The following SPNS3 variants were observed in gnomAD, a reference collection of about 807,000 sequenced individuals.
The protein encoded by SPNS3 is protein spinster homolog 3.
SPNS3 carries 51 observed loss-of-function variants against 54.4 expected under a neutral mutation model. That is an observed-to-expected ratio of 0.94 (90% confidence interval 0.75 to 1.18). The LOEUF is 1.18. Ranked by LOEUF, SPNS3 falls within the 50% of genes most tolerant of loss-of-function variation. The pLI, the probability that SPNS3 is intolerant of heterozygous loss-of-function variation, is 0.00. For missense variants in SPNS3, 669 were observed against 677.4 expected, an observed-to-expected ratio of 0.99 and a Z score of 0.14; for synonymous variants, 309 against 294.7, an observed-to-expected ratio of 1.05 and a Z score of -0.50.
At chr17:4,451,406 C>G (rs1246634583) in intron 7 of SPNS3, among the ~76,000 whole-genome samples, 1 of 152,032 alleles carries the variant, frequency 6.6e-6, no homozygotes, top group African/African-American at 2.4e-5. Context: ...CGCACACCAC[C>G]ACGCCCAGCT....
intron 1 of SPNS3, among the ~76,000 whole-genome samples, chr17:4,434,539 C>T (rs1970664929): frequency 6.6e-6 from 1 of 152,090 alleles, no homozygotes; most frequent in Non-Finnish European, 1.5e-5. Context: ...CTCTGTCGCC[C>T]AGGCTGGAGT....
intron 8 of SPNS3, among the ~76,000 whole-genome samples, chr17:4,459,689 G>T (rs973060961): frequency 1.3e-5 from 2 of 152,080 alleles, no homozygotes; most frequent in African/African-American, 4.8e-5. Context: ...CTCCAGCCTG[G>T]GCGACAGAGC....
At chr17:4,434,519 CAG>C (rs1970664296) in intron 1 of SPNS3, among the ~76,000 whole-genome samples, 1 of 151,730 alleles carries the variant, frequency 6.6e-6, no homozygotes, top group Non-Finnish European at 1.5e-5. Flanking sequence ...TTTTTTGAGA[CAG>C]AGTCTCGCTC....
chr17:4,444,156 T>C (rs147004096), intron 2 of SPNS3, among the ~76,000 whole-genome samples: 99 of 152,112 alleles, frequency 6.5e-4, no homozygotes, highest in African/African-American at 2.2e-3. Flanking sequence ...TTTACCTATG[T>C]AGGAAAACCA....
chr17:4,447,249 G>C (rs1971022810), intron 5 of SPNS3, among the ~76,000 whole-genome samples: 1 of 152,182 alleles, frequency 6.6e-6, no homozygotes, highest in African/African-American at 2.4e-5. Flanking sequence ...TAAAGCGGGG[G>C]TACTAAATGC....
intron 7 of SPNS3, among the ~76,000 whole-genome samples, chr17:4,450,351 C>CT (rs34984990): frequency 3.4e-3 from 139 of 40,528 alleles, no homozygotes; most frequent in African/African-American, 0.023. Context: ...CTCCCTCTCC[C>CT]CTCCTCTCTC....
chr17:4,482,952 T>C (rs1972211598), intron 9 of SPNS3, among the ~76,000 whole-genome samples: 1 of 152,186 alleles, frequency 6.6e-6, no homozygotes, highest in South Asian at 2.1e-4. Flanking sequence ...TCCCTCTTTC[T>C]CAGCCCTGTC....
In SPNS3 at chr17:4,453,093, AG is replaced by A; in HGVS notation, c.1002del (p.Val336SerfsTer131). The A allele has an allele frequency of 4.3e-6, 7 of 1,614,094 alleles. No homozygotes were observed. The highest frequency in any genetic ancestry group is 5.9e-6 in the Non-Finnish European group (7 of 1,179,990). On this transcript the variant is annotated frameshift_variant, in exon 8 of 12. Transcript: ENST00000355530. LOFTEE classifies it high-confidence loss of function. ...ILGAEAARRY[K>X]KVIPGAEPLI... ...GGGGCAGAAGCTGCGAGGAGGTACA[AG>A]AAAGTCATTCCAGGAGCTGAGCCCC...
intron 8 of SPNS3, among the ~76,000 whole-genome samples, chr17:4,463,537 G>T (rs1238258805): frequency 6.6e-6 from 1 of 151,960 alleles, no homozygotes; most frequent in Admixed American, 6.6e-5. Flanking sequence ...AGACCAGCCT[G>T]GCCAACATGC....
At chr17:4,471,367 T>C (rs1272602492) in intron 8 of SPNS3, among the ~76,000 whole-genome samples, 2 of 152,240 alleles carry the variant, frequency 1.3e-5, no homozygotes, top group Non-Finnish European at 2.9e-5. Flanking sequence ...CTGGGTAGAT[T>C]TTATGATTAA....
At chr17:4,435,886 C>G (rs1038881913) in intron 1 of SPNS3, among the ~76,000 whole-genome samples, 6 of 152,168 alleles carry the variant, frequency 3.9e-5, no homozygotes, top group African/African-American at 1.4e-4. Context: ...GAGCTGAGAT[C>G]GTGCCACTGC....
intron 8 of SPNS3, among the ~76,000 whole-genome samples, chr17:4,464,471 A>G (rs1308357474): frequency 6.6e-6 from 1 of 152,090 alleles, no homozygotes; most frequent in East Asian, 1.9e-4. Context: ...GTGGAGGGGC[A>G]GGAGTGGGAC....
At chr17:4,472,009 C>G (rs890667166) in intron 8 of SPNS3, among the ~76,000 whole-genome samples, 6 of 152,028 alleles carry the variant, frequency 3.9e-5, no homozygotes, top group Non-Finnish European at 8.8e-5. Context: ...CAGGCGTGCT[C>G]CACGACGCCA....
chr17:4,483,274 G>C lies in SPNS3; in HGVS notation c.1180-2954G>C, dbSNP rs1419772664. On this transcript the variant is annotated intron_variant, in intron 9 of 11. Coordinates refer to ENST00000355530, the MANE Select transcript of SPNS3 (RefSeq NM_182538.5). This position sits in a 1 kb window ranked among gnomAD's most constrained non-coding sequence, Gnocchi z 4.2. Reference sequence around the variant, plus strand: ...ATAAAGGGAACGGCCCTTCTAAGAAGGGAGAGCCAGAAACAGAGGTGTTTT... The same window carrying C: ...ATAAAGGGAACGGCCCTTCTAAGAACGGAGAGCCAGAAACAGAGGTGTTTT... 1.3e-5 allele frequency among the ~76,000 whole-genome samples: 2 copies of C among 152,200 alleles called. No individual in the cohort carries two copies. The highest frequency in any genetic ancestry group is 2.4e-5 in the African/African-American group (1 of 41,450).
At chr17:4,474,076 C>T (rs1971926250) in intron 8 of SPNS3, among the ~76,000 whole-genome samples, 1 of 152,206 alleles carries the variant, frequency 6.6e-6, no homozygotes, top group African/African-American at 2.4e-5. Context: ...GGCCCCACCT[C>T]TCTGCCAAGA....
Position 4,483,456 on chromosome 17 carries a change from C to T in SPNS3, c.1180-2772C>T, listed in dbSNP as rs879417013. 2 of 152,256 alleles carry T rather than the reference C, an allele frequency of 1.3e-5. No homozygotes were observed. Among genetic ancestry groups the T allele is most frequent in the Admixed American group, 6.5e-5 (1 of 15,288 alleles). The allele number at this position is 152,256 out of a possible 1,614,324, so 9.4% of individuals were successfully genotyped here. A position where few individuals can be genotyped will look rare whatever the true frequency, so the allele number is the denominator to read the frequency against. ...AACAGGCTGGGGGAGACCCACCTCT[C>T]TCGCCACTGGCAGCAGTGACTGAGC... On this transcript the variant is annotated intron_variant, in intron 9 of 11. Coordinates refer to ENST00000355530, the MANE Select transcript of SPNS3 (RefSeq NM_182538.5). The surrounding 1 kb of genome is among the most constrained non-coding windows in gnomAD (Gnocchi z 4.2).
intron 8 of SPNS3, among the ~76,000 whole-genome samples, chr17:4,460,963 C>T (rs1009186968): frequency 9.9e-5 from 15 of 152,222 alleles, no homozygotes; most frequent in Admixed American, 6.5e-4. Flanking sequence ...AAGTCACCAG[C>T]GAAGCCATCT....
chr17:4,447,393 C>G (rs1456041856), intron 5 of SPNS3, among the ~76,000 whole-genome samples: 1 of 152,210 alleles, frequency 6.6e-6, no homozygotes, highest in African/African-American at 2.4e-5. Flanking sequence ...AAGAAGATGC[C>G]GGGCAGGCCC....
At chr17:4,466,800 G>A (rs1317566445) in intron 8 of SPNS3, among the ~76,000 whole-genome samples, 1 of 152,162 alleles carries the variant, frequency 6.6e-6, no homozygotes, top group African/African-American at 2.4e-5. Context: ...AGCCGAGATC[G>A]CACCATTGCA....
Sources: allele counts gnomAD v4.1 joint callset (sites outside exome capture counted in the v4.1 genomes callset), GRCh38; gene constraint gnomAD v4.1.1; non-coding constraint Gnocchi (gnomAD v3.1); transcripts MANE v1.5; gene names NCBI Gene and HGNC (gene_info 2026-07-23, HGNC 2026-07-21).